The following WASHC2C variants were observed in gnomAD, a reference collection of about 807,000 sequenced individuals.
WASHC2C encodes Vaccinia Penetration Factor.
WASHC2C carries 73 observed loss-of-function variants against 142.2 expected under a neutral mutation model. The ratio of observed to expected loss-of-function variants is 0.51; its 90% CI spans 0.43 to 0.62. WASHC2C has a LOEUF of 0.62. WASHC2C is among the 20% of genes least tolerant of loss of function. WASHC2C has a pLI of 0.00. For missense variants in WASHC2C, 969 were observed against 1,531.7 expected, an observed-to-expected ratio of 0.63 and a Z score of 6.13; for synonymous variants, 337 against 565.5, an observed-to-expected ratio of 0.60 and a Z score of 5.73.
intron 25 of WASHC2C, among the ~76,000 whole-genome samples, chr10:45,785,304 G>A (rs1461566241): frequency 6.6e-6 from 1 of 152,050 alleles, no homozygotes; most frequent in African/African-American, 2.4e-5. Context: ...TAAGTACTCT[G>A]TTTTCTTTTT....
At chr10:45,769,909 CT>C (rs1317733358) in intron 20 of WASHC2C, among the ~76,000 whole-genome samples, 1 of 151,366 alleles carries the variant, frequency 6.6e-6, no homozygotes, top group Non-Finnish European at 1.5e-5. Flanking sequence ...TTTCTCTGGG[CT>C]ACTCTAAAGT....
chr10:45,760,016 C>G (rs2054888716), intron 17 of WASHC2C, among the ~76,000 whole-genome samples: 2 of 149,256 alleles, frequency 1.3e-5, no homozygotes, highest in South Asian at 4.3e-4. Flanking sequence ...GAGTGGAGGT[C>G]ACCATGCTAC....
chr10:45,785,539 G>C lies in WASHC2C; in HGVS notation c.2719G>C (p.Asp907His), dbSNP rs2135731218. 1 of 1,613,852 alleles carries C rather than the reference G, an allele frequency of 6.2e-7. No individual in the cohort carries two copies. Among genetic ancestry groups the C allele is most frequent in the Non-Finnish European group, 8.5e-7 (1 of 1,179,848 alleles). Residue 907 changes from aspartate to histidine, a missense_variant, in exon 26 of 31, where the codon GAC becomes CAC. Physicochemically the swap from Asp to His is moderately conservative, Grantham distance 81. Transcript: ENST00000623400. ...VQEKKRVVKK[D>H]HSVNSFKNQK... ...AGAGAAAAAGAGAGTAGTGAAAAAA[G>C]ACCACTCTGTTAACTCTTTCAAAAA...
Position 45,754,825 on chromosome 10 carries a change from T to A in WASHC2C, c.1241-111T>A, listed in dbSNP as rs572648173. The A allele has an allele frequency of 2.9e-4, 405 of 1,393,868 alleles. No individual in the cohort carries two copies. In the African/African-American group the frequency reaches 5.0e-3, roughly 17 times the overall value. 86.3% of individuals were successfully genotyped at this position (1,393,868 alleles called of 1,614,324 possible). A position where few individuals can be genotyped will look rare whatever the true frequency, so the allele number is the denominator to read the frequency against. On this transcript the variant is annotated intron_variant, in intron 14 of 30. Coordinates refer to ENST00000623400, the MANE Select transcript of WASHC2C (RefSeq NM_001330074.2). Reference sequence around the variant, plus strand: ...GAGGCTATTGGGCCCTGTTATGCATTTTGTGGATTAACTGAAATGGAAAGT... The same window carrying A: ...GAGGCTATTGGGCCCTGTTATGCATATTGTGGATTAACTGAAATGGAAAGT...
chr10:45,753,922 T>G (rs1335254036), intron 13 of WASHC2C, among the ~76,000 whole-genome samples: 2 of 151,302 alleles, frequency 1.3e-5, no homozygotes, highest in African/African-American at 4.9e-5. Flanking sequence ...AAGTGCCGAG[T>G]CTCCCGGGCG....
chr10:45,728,312 A>T (rs2133977181), intron 2 of WASHC2C, among the ~76,000 whole-genome samples: 1 of 152,316 alleles, frequency 6.6e-6, no homozygotes, highest in South Asian at 2.1e-4. Flanking sequence ...TACAAGCGTG[A>T]GCCACCATAC....
At position 45,788,911 on chromosome 10, in the gene WASHC2C, G is replaced by A. The variant is rs1336272972; in HGVS notation, c.3128G>A (p.Arg1043His). ...AGAGGGAAGCGTAGACCGCAGACCCGTGCAGCTAGGCGGCTGGCTGCTCAG... is the reference window on the plus strand; with the variant it reads ...AGAGGGAAGCGTAGACCGCAGACCCATGCAGCTAGGCGGCTGGCTGCTCAG... ...KMRGKRRPQT[R>H]AARRLAAQES... Residue 1043 changes from arginine to histidine, a missense_variant, in exon 29 of 31, where the codon CGT becomes CAT. Arg to His is a conservative substitution (Grantham distance 29). Coordinates refer to ENST00000623400, the MANE Select transcript of WASHC2C (RefSeq NM_001330074.2). 8.5e-5 allele frequency: 137 copies of A among 1,611,928 alleles called. No individual in the cohort carries two copies. The highest frequency in any genetic ancestry group is 1.6e-4 in the South Asian group (15 of 90,996).
chr10:45,727,451 C>G lies in WASHC2C; in HGVS notation c.38C>G (p.Pro13Arg), dbSNP rs1190158928. The G allele has an allele frequency of 6.2e-7, 1 of 1,611,038 alleles. No homozygotes were observed. Among genetic ancestry groups the G allele is most frequent in the South Asian group, 1.1e-5 (1 of 90,908 alleles). The change falls in exon 2 of 31, where the codon CCG (proline) becomes CGG (arginine). Residue 13 changes from proline (P) to arginine (R), a missense_variant. By Grantham distance (103) the Pro-to-Arg change is moderately radical. Transcript: ENST00000623400. The stretch of plus-strand genomic sequence containing the variant: ...ACGACCCCCGACCAGGAGCTGGTGC[C>G]GGCGTCGGAGCCCGTGTGGGAGCGG... ...NRTTPDQELV[P>R]ASEPVWERPW...
At chr10:45,783,569 T>A (rs1356283670) in intron 23 of WASHC2C, among the ~76,000 whole-genome samples, 23 of 152,234 alleles carry the variant, frequency 1.5e-4, no homozygotes, top group Middle Eastern at 6.8e-3. Flanking sequence ...TCAAGGATTC[T>A]CCCACCTCAG....
chr10:45,740,628 A>G (rs571742706), intron 5 of WASHC2C, among the ~76,000 whole-genome samples: 2 of 152,254 alleles, frequency 1.3e-5, no homozygotes, highest in East Asian at 3.9e-4. Context: ...GGGAGGCTCA[A>G]AAGAGACAGA....
At position 45,765,336 on chromosome 10, in the gene WASHC2C, C is replaced by T. The variant is rs1218854433; in HGVS notation, c.1738-343C>T. ...CTGCTGCGGGGGCTCCCGTGCCCAT[C>T]GCAGGCTGTAACCACCTGAAATGAG... On this transcript the variant is annotated intron_variant, in intron 18 of 30. Transcript: ENST00000623400. 6.6e-3 allele frequency among the ~76,000 whole-genome samples: 979 copies of T among 147,782 alleles called. 41 individuals carry two copies. In the East Asian group the frequency reaches 0.13, roughly 19 times the overall value.
At chr10:45,758,416 T>A (rs1256858552) in intron 16 of WASHC2C, among the ~76,000 whole-genome samples, 52 of 152,290 alleles carry the variant, frequency 3.4e-4, no homozygotes, top group Admixed American at 5.2e-4. Context: ...CCACTGATGA[T>A]CTTTTCTTGA....
chr10:45,730,816 T>C (rs2050479841), intron 3 of WASHC2C, among the ~76,000 whole-genome samples: 1 of 152,050 alleles, frequency 6.6e-6, no homozygotes, highest in Non-Finnish European at 1.5e-5. Context: ...AGACGGGGTT[T>C]CACCGAGTTA....
At chr10:45,753,647 G>GTTTTTT (rs2053870920) in intron 13 of WASHC2C, among the ~76,000 whole-genome samples, 1 of 138,432 alleles carries the variant, frequency 7.2e-6, no homozygotes, top group African/African-American at 2.8e-5. Context: ...TTTGTTTTTT[G>GTTTTTT]TTTTTGTATT....
intron 5 of WASHC2C, among the ~76,000 whole-genome samples, chr10:45,741,092 C>T (rs1554867661): frequency 6.6e-6 from 1 of 151,836 alleles, no homozygotes; most frequent in Non-Finnish European, 1.5e-5. Context: ...GGATTACAGG[C>T]GCCCACCACC....
chr10:45,783,720 CAA>C (rs2057701053), intron 23 of WASHC2C, among the ~76,000 whole-genome samples: 1 of 152,196 alleles, frequency 6.6e-6, no homozygotes. Context: ...CTTGGCCTCC[CAA>C]AGTGCTGGGA....
intron 3 of WASHC2C, among the ~76,000 whole-genome samples, chr10:45,730,092 C>G (rs1420025793): frequency 7.3e-6 from 1 of 136,056 alleles, no homozygotes; most frequent in Non-Finnish European, 1.6e-5. Flanking sequence ...TGCCTGTAAT[C>G]CCAGCACTTT....
chr10:45,740,727 A>G (rs539260079), intron 5 of WASHC2C, among the ~76,000 whole-genome samples: 7 of 152,356 alleles, frequency 4.6e-5, no homozygotes, highest in African/African-American at 1.7e-4. Context: ...GGTTTGGGCA[A>G]TTATTAAATA....
At chr10:45,759,789 A>T (rs2054855591) in intron 17 of WASHC2C, among the ~76,000 whole-genome samples, 1 of 152,212 alleles carries the variant, frequency 6.6e-6, no homozygotes, top group African/African-American at 2.4e-5. Flanking sequence ...ATTGCACTCC[A>T]GTCTAGGCGA....
Sources: gnomAD v4.1 joint callset for allele counts (sites outside exome capture counted in the v4.1 genomes callset) on GRCh38, gnomAD v4.1.1 for gene constraint, MANE v1.5 for transcripts, NCBI Gene and HGNC (gene_info 2026-07-23, HGNC 2026-07-21) for gene names.